Variants in TBL2 observed in about 807,000 individuals in gnomAD.
TBL2 encodes transducin beta like 2.
In TBL2, 33 loss-of-function variants were observed where a neutral mutation model predicts 41.8. The observed-to-expected ratio is 0.79, with a 90% CI of 0.60 to 1.06. The LOEUF (loss-of-function observed/expected upper bound fraction) is 1.06, where lower values mean the gene tolerates loss of function less well. Ranked by LOEUF, TBL2 falls within the 50% of genes least tolerant of loss-of-function variation. TBL2 has a pLI of 0.00. For missense variants in TBL2, 522 were observed against 603.8 expected (o/e 0.86, Z 1.42); for synonymous variants, 239 against 241.7 (o/e 0.99, Z 0.10).
At chr7:73,572,668 G>C (rs1793032099) in intron 5 of TBL2, among the ~76,000 whole-genome samples, 176 bp downstream of exon 5, 1 of 152,134 alleles carries the variant, frequency 6.6e-6, no homozygotes, top group South Asian at 2.1e-4. Context: ...TAAGGACATG[G>C]GGCGACCTGC....
rs549897976 is a variant in TBL2 at position 73,571,453 on chromosome 7, T to C, written c.726-112A>G. 1.2e-4 allele frequency: 176 copies of C among 1,465,232 alleles called. 1 individual carries two copies. In the South Asian group the frequency reaches 1.8e-3, roughly 15 times the overall value. 90.8% of individuals were successfully genotyped at this position (1,465,232 alleles called of 1,614,324 possible). A position where few individuals can be genotyped will look rare whatever the true frequency, so the allele number is the denominator to read the frequency against. Reference sequence around the variant, plus strand: ...TGATAATCCTCATATCTGGATAATATAAACCTTTAAAGAGTTATTTTGGCC... The same window carrying C: ...TGATAATCCTCATATCTGGATAATACAAACCTTTAAAGAGTTATTTTGGCC... On this transcript the variant is annotated intron_variant, in intron 5 of 6. Coordinates refer to ENST00000305632, the MANE Select transcript of TBL2 (RefSeq NM_012453.4).
Position 73,574,134 on chromosome 7 carries a change from G to A in TBL2, c.262-12C>T, listed in dbSNP as rs1434529900. ...TTCCCGCTGTGGCTCTAGGGGAAGG[G>A]TGGCAGGAAGTGTCAATAGGAGCTC... On this transcript the variant is annotated splice_polypyrimidine_tract_variant and intron_variant, in intron 2 of 6. Coordinates refer to ENST00000305632, the MANE Select transcript of TBL2 (RefSeq NM_012453.4). The A allele has an allele frequency of 6.2e-7, 1 of 1,613,212 alleles. No individual in the cohort carries two copies. Among genetic ancestry groups the A allele is most frequent in the East Asian group, 2.2e-5 (1 of 44,880 alleles).
intron 3 of TBL2, 145 bp downstream of exon 3, chr7:73,573,793 G>T: frequency 9.8e-7 from 1 of 1,025,622 alleles, no homozygotes; most frequent in Non-Finnish European, 1.4e-6. Context: ...CCCAGGCAGC[G>T]CGCAAACTAT....
intron 1 of TBL2, chr7:73,574,926 C>G (rs782453275): frequency 8.1e-5 from 28 of 343,638 alleles, no homozygotes; most frequent in Non-Finnish European, 1.4e-4. Flanking sequence ...AGTAAGTCCA[C>G]AGAGCACCTT....
intron 1 of TBL2, among the ~76,000 whole-genome samples, chr7:73,577,260 C>CA (rs1482745453): frequency 2.3e-5 from 3 of 129,014 alleles, no homozygotes; most frequent in Non-Finnish European, 3.4e-5. Context: ...ACTCCGTCCC[C>CA]CTGCAAAAAA....
chr7:73,576,859 C>T (rs1793354823), intron 1 of TBL2: 4 of 375,356 alleles, frequency 1.1e-5, no homozygotes, highest in Non-Finnish European at 2.1e-5. Flanking sequence ...TTTCCTTGGC[C>T]TTCTGGCAAA....
chr7:73,569,545 G>A lies in TBL2; in HGVS notation c.*962C>T, dbSNP rs1320160043. ...ATACCCATTGCCTCTGTCCTGCTCT[G>A]GTCCTCTCTTGCCTTGACATATATA... On this transcript the variant is annotated 3_prime_UTR_variant, in exon 7 of 7. Transcript: ENST00000305632. 4.6e-5 allele frequency: 7 copies of A among 152,104 alleles called. No homozygotes were observed. Among genetic ancestry groups the A allele is most frequent in the African/African-American group, 1.7e-4 (7 of 41,386 alleles). 9.4% of individuals were successfully genotyped at this position (152,104 alleles called of 1,614,324 possible).
Position 73,578,536 on chromosome 7 carries a change from T to A in TBL2, c.14A>T (p.Gln5Leu), listed in dbSNP as rs782744861. ...CGACAGCCCCATGAGCTCCGACATCTGCGAGAGCTCCATGTTGGTGGAACC... is the reference window on the plus strand; with the variant it reads ...CGACAGCCCCATGAGCTCCGACATCAGCGAGAGCTCCATGTTGGTGGAACC... MELS[Q>L]MSELMGLSVL... is the part of the protein sequence containing the mutation. Residue 5 changes from glutamine (Q) to leucine (L), a missense_variant, in exon 1 of 7, where the codon CAG (glutamine) becomes CTG (leucine). Coordinates refer to ENST00000305632, the MANE Select transcript of TBL2 (RefSeq NM_012453.4). 1.9e-6 allele frequency: 3 copies of A among 1,583,374 alleles called. No individual in the cohort carries two copies. Among genetic ancestry groups the A allele is most frequent in the Non-Finnish European group, 1.7e-6 (2 of 1,166,286 alleles).
At chr7:73,577,657 T>G (rs1398616757) in intron 1 of TBL2, among the ~76,000 whole-genome samples, 2 of 152,204 alleles carry the variant, frequency 1.3e-5, no homozygotes, top group Non-Finnish European at 2.9e-5. Flanking sequence ...ATGAAACTTT[T>G]CAGAGACAGG....
Position 73,578,446 on chromosome 7 carries a change from C to A in TBL2, c.104G>T (p.Gly35Val), listed in dbSNP as rs371204382. ...AAVARGWLRA[G>V]EERSGRPACQ... is the part of the protein sequence containing the mutation. ...GGCGGGCCGGCCGCTCCTCTCCTCC[C>A]CCGCGCGCAGCCACCCCCGCGCTAC... The change falls in exon 1 of 7, where the codon GGG becomes GTG. Residue 35 changes from glycine (G) to valine (V), a missense_variant. Transcript: ENST00000305632. The A allele has an allele frequency of 6.5e-7, 1 of 1,544,684 alleles. No individual in the cohort carries two copies. The highest frequency in any genetic ancestry group is 8.7e-7 in the Non-Finnish European group (1 of 1,148,276).
chr7:73,572,313 G>A (rs1554587792), intron 5 of TBL2, among the ~76,000 whole-genome samples: 1 of 152,126 alleles, frequency 6.6e-6, no homozygotes. Context: ...GCCAGGTGTG[G>A]TAGTGCACGC....
chr7:73,578,552 T>C lies in TBL2; in HGVS notation c.-3A>G. On this transcript the variant is annotated 5_prime_UTR_variant, in exon 1 of 7. Coordinates refer to ENST00000305632, the MANE Select transcript of TBL2 (RefSeq NM_012453.4). ...TCCGACATCTGCGAGAGCTCCATGT[T>C]GGTGGAACCACTGCCACCTCAGCTA... 6.4e-7 allele frequency: 1 copy of C among 1,573,820 alleles called. No individual in the cohort carries two copies. Among genetic ancestry groups the C allele is most frequent in the Non-Finnish European group, 8.6e-7 (1 of 1,161,184 alleles).
At position 73,572,799 on chromosome 7, in the gene TBL2, C is replaced by T. The variant is rs368371067; in HGVS notation, c.725+45G>A. 9.5e-5 allele frequency: 154 copies of T among 1,613,194 alleles called. No individual in the cohort carries two copies. In the African/African-American group the frequency reaches 2.0e-3, roughly 21 times the overall value. ...CTCTGTTCTGTGCCTGCTCCCCAGC[C>T]CCAGCCTCTCGTGGTCCCAGACGCC... is the stretch of plus-strand genomic sequence containing the variant. On this transcript the variant is annotated intron_variant, in intron 5 of 6. Transcript: ENST00000305632.
rs201337053 is a variant in TBL2, at chr7:73,578,433, G to T, written c.117C>A (p.Ser39Arg). The change falls in exon 1 of 7, where the codon AGC becomes AGA. Residue 39 changes from serine (S) to arginine (R), a missense_variant. Coordinates refer to ENST00000305632, the MANE Select transcript of TBL2 (RefSeq NM_012453.4). ...RGWLRAGEER[S>R]GRPACQKANG... is the part of the protein sequence containing the mutation. The stretch of plus-strand genomic sequence containing the variant: ...GGCCCCACTTACAGGCGGGCCGGCC[G>T]CTCCTCTCCTCCCCCGCGCGCAGCC... The T allele has an allele frequency of 4.9e-3, 7,509 of 1,531,188 alleles. 25 individuals are homozygous for T. The highest frequency in any genetic ancestry group is 5.7e-3 in the Non-Finnish European group (6,554 of 1,140,892). The allele number at this position is 1,531,188 out of a possible 1,614,324, so 94.9% of individuals were successfully genotyped here.
Position 73,568,021 on chromosome 7 carries a change from TCA to T in TBL2, c.*2484_*2485del, listed in dbSNP as rs1183919865. Among the ~76,000 whole-genome samples the T allele has an allele frequency of 6.6e-6, 1 of 152,206 alleles. No homozygotes were observed. Among genetic ancestry groups the T allele is most frequent in the Non-Finnish European group, 1.5e-5 (1 of 68,028 alleles). ...GGTGCGCAAAGGAAGTGTTTTAGTC[TCA>T]TTCTTCTGACAATTGCCAAGGAAAT... On this transcript the variant is annotated 3_prime_UTR_variant, in exon 7 of 7. Transcript: ENST00000305632.
chr7:73,571,411 C>T, intron 5 of TBL2, 70 bp from the exon 6 acceptor site: 1 of 1,591,714 alleles, frequency 6.3e-7, no homozygotes, highest in African/African-American at 1.3e-5. Context: ...ACCCCTCAAT[C>T]TCTTTCCTGA....
intron 1 of TBL2, among the ~76,000 whole-genome samples, chr7:73,575,539 C>A (rs1201094775): frequency 6.6e-6 from 1 of 152,158 alleles, no homozygotes; most frequent in African/African-American, 2.4e-5. Context: ...GTGATCCACC[C>A]GCCTCGGCCT....
chr7:73,574,482 T>C lies in TBL2; in HGVS notation c.162A>G (p.Lys54=). Reference sequence around the variant, plus strand: ...GTTTCTGCTTCTTGGATCCCGAAGATTTGTCAGGTGGAAATCCATTTGCTT... The same window carrying C: ...GTTTCTGCTTCTTGGATCCCGAAGACTTGTCAGGTGGAAATCCATTTGCTT... ...CQKANGFPPD[K]SSGSKKQKQY... The change falls in exon 2 of 7, where the codon AAA becomes AAG. Residue 54 remains lysine, a synonymous_variant. Coordinates refer to ENST00000305632, the MANE Select transcript of TBL2 (RefSeq NM_012453.4). 1.2e-6 allele frequency: 2 copies of C among 1,614,196 alleles called. No homozygotes were observed. The highest frequency in any genetic ancestry group is 1.1e-5 in the South Asian group (1 of 91,084).
At chr7:73,574,189 G>C in intron 2 of TBL2, 67 bp from the exon 3 acceptor site, 27 of 1,584,306 alleles carry the variant, frequency 1.7e-5, no homozygotes, top group Non-Finnish European at 2.2e-5. Context: ...CAAACCTGGA[G>C]CCGGGGAGAT....
Sources: gnomAD v4.1 joint callset for allele counts (sites outside exome capture counted in the v4.1 genomes callset) on GRCh38, gnomAD v4.1.1 for gene constraint, MANE v1.5 for transcripts, NCBI Gene and HGNC (gene_info 2026-07-23, HGNC 2026-07-21) for gene names.